MIR2052HG: variants seen among roughly 807,000 people sequenced by gnomAD.
MIR2052HG encodes the protein MIR2052 host gene.
intron 1 of MIR2052HG, among the ~76,000 whole-genome samples, chr8:74,609,116 C>T (rs1808153823): frequency 6.6e-6 from 1 of 151,880 alleles, no homozygotes; most frequent in African/African-American, 2.4e-5. Context: ...AGATATGTGA[C>T]ATCACTAAAG....
At chr8:74,646,893 A>G (rs1020344313) in intron 2 of MIR2052HG, among the ~76,000 whole-genome samples, 4 of 152,128 alleles carry the variant, frequency 2.6e-5, no homozygotes, top group African/African-American at 9.7e-5. Context: ...AAGCCACTGA[A>G]CTTCAGTCTG....
chr8:74,629,274 C>T (rs1808477374), intron 2 of MIR2052HG, among the ~76,000 whole-genome samples: 1 of 152,072 alleles, frequency 6.6e-6, no homozygotes, highest in South Asian at 2.1e-4. Context: ...TTTACTCATT[C>T]CTTTATTCCC....
chr8:74,623,690 G>C (rs991867355), intron 2 of MIR2052HG, among the ~76,000 whole-genome samples: 2 of 152,122 alleles, frequency 1.3e-5, no homozygotes, highest in Admixed American at 6.5e-5. Context: ...AGTAACCAAA[G>C]ACTTGAGAAG....
Position 74,603,199 on chromosome 8 carries a change from C to A in MIR2052HG, n.128+3291C>A, listed in dbSNP as rs1425966019. On this transcript the variant is annotated intron_variant and non_coding_transcript_variant, in intron 1 of 6. Transcript: ENST00000523442. ...TGAAAATTTACAAACTATTTAAAAC[C>A]TGAAATCGCTGACTGTTCAGAAACT... 29 of 997,074 alleles carry A rather than the reference C, an allele frequency of 2.9e-5. No individual in the cohort carries two copies. In the Admixed American group the frequency reaches 5.3e-4, roughly 18 times the overall value. The allele number at this position is 997,074 out of a possible 1,614,324, so 61.8% of individuals were successfully genotyped here.
chr8:74,604,083 A>G, intron 1 of MIR2052HG: 1 of 926,388 alleles, frequency 1.1e-6, no homozygotes, highest in South Asian at 1.3e-5. Context: ...TTCTCTCAGG[A>G]CAATTCCCTT....
chr8:74,602,815 G>GCGTTTCTT (rs1554570004), intron 1 of MIR2052HG, among the ~76,000 whole-genome samples: 1 of 22,526 alleles, frequency 4.4e-5, no homozygotes, highest in African/African-American at 2.0e-4. Flanking sequence ...ATGCCCGGCC[G>GCGTTTCTT]TGTTTCTTTC....
chr8:74,693,866 C>G (rs747705901), intron 2 of MIR2052HG, among the ~76,000 whole-genome samples: 2 of 152,150 alleles, frequency 1.3e-5, no homozygotes, highest in Non-Finnish European at 1.5e-5. Flanking sequence ...ACCTTAGGGT[C>G]TTTCCCTATC....
chr8:74,678,541 C>T (rs1416616214), intron 2 of MIR2052HG, among the ~76,000 whole-genome samples: 3 of 108,914 alleles, frequency 2.8e-5, no homozygotes, highest in Admixed American at 1.4e-4. Context: ...CCAGCCTGGG[C>T]GATAAGATCT....
rs1416616214 is a variant in MIR2052HG, at chr8:74,678,541, C to A, written n.217-23838C>A. On this transcript the variant is annotated intron_variant and non_coding_transcript_variant, in intron 2 of 6. Coordinates refer to ENST00000523442, the Ensembl canonical transcript of MIR2052HG. ...TTGTGCCATTGCACTCCAGCCTGGG[C>A]GATAAGATCTAGAGTTTGTCTCAAA... Among the ~76,000 whole-genome samples the A allele has an allele frequency of 3.7e-5, 4 of 108,914 alleles. No homozygotes were observed. In the Admixed American group the frequency reaches 5.7e-4, roughly 15 times the overall value. The allele number at this position is 108,914 out of a possible 152,430, so 71.5% of individuals were successfully genotyped here.
chr8:74,653,326 G>A lies in MIR2052HG; in HGVS notation n.216+40386G>A, dbSNP rs1586904330. 2.0e-5 allele frequency among the ~76,000 whole-genome samples: 3 copies of A among 152,264 alleles called. No individual in the cohort carries two copies. The Middle Eastern group carries it at 0.01, about 518-fold the overall frequency. On this transcript the variant is annotated intron_variant and non_coding_transcript_variant, in intron 2 of 6. Coordinates refer to ENST00000523442, the Ensembl canonical transcript of MIR2052HG. ...TGTTACAGGATTTATTACTTCACCA[G>A]CTAGTTTAATAGTTTCAAAATGAAT...
At chr8:74,700,011 G>T (rs1809342367) in intron 2 of MIR2052HG, among the ~76,000 whole-genome samples, 1 of 152,078 alleles carries the variant, frequency 6.6e-6, no homozygotes, top group African/African-American at 2.4e-5. Context: ...CAACCATTTT[G>T]CTAAGAATAA....
At chr8:74,674,803 A>G (rs892078611) in intron 2 of MIR2052HG, among the ~76,000 whole-genome samples, 1 of 151,876 alleles carries the variant, frequency 6.6e-6, no homozygotes, top group Non-Finnish European at 1.5e-5. Context: ...ATACATTACT[A>G]TGATACTATA....
At chr8:74,614,209 A>T in intron 2 of MIR2052HG, among the ~76,000 whole-genome samples, 1 of 152,192 alleles carries the variant, frequency 6.6e-6, no homozygotes, top group East Asian at 1.9e-4. Flanking sequence ...TCTCTGATCC[A>T]CCTACTAGGT....
chr8:74,748,259 A>C (rs1006514418), intron 4 of MIR2052HG, among the ~76,000 whole-genome samples: 1 of 152,250 alleles, frequency 6.6e-6, no homozygotes, highest in Admixed American at 6.5e-5. Flanking sequence ...GGTAAAACAG[A>C]TTCCAACTAC....
chr8:74,658,391 T>C (rs77013750), intron 2 of MIR2052HG, among the ~76,000 whole-genome samples: 151 of 96,706 alleles, frequency 1.6e-3, no homozygotes, highest in Non-Finnish European at 1.9e-3. Context: ...CTCGCTCTCT[T>C]TTTTTTTTTT....
intron 2 of MIR2052HG, among the ~76,000 whole-genome samples, chr8:74,679,235 T>C (rs1809091276): frequency 6.6e-6 from 1 of 152,126 alleles, no homozygotes; most frequent in Admixed American, 6.6e-5. Flanking sequence ...GTCTTTTATC[T>C]CTCACCTCTA....
intron 2 of MIR2052HG, among the ~76,000 whole-genome samples, chr8:74,662,183 T>C (rs901094953): frequency 2.0e-5 from 3 of 152,180 alleles, no homozygotes; most frequent in African/African-American, 7.2e-5. Flanking sequence ...TAGATTATAA[T>C]ATCAAAGGCT....
chr8:74,668,972 T>C (rs935640682), intron 2 of MIR2052HG, among the ~76,000 whole-genome samples: 1 of 152,202 alleles, frequency 6.6e-6, no homozygotes, highest in Non-Finnish European at 1.5e-5. Context: ...GAGAGCACTC[T>C]GGGATAACCT....
intron 2 of MIR2052HG, among the ~76,000 whole-genome samples, chr8:74,653,175 G>C (rs1808770899): frequency 6.6e-6 from 1 of 152,124 alleles, no homozygotes. Context: ...TTTATAAGTG[G>C]CAAAGTTTTC....
Sources: allele counts gnomAD v4.1 joint callset (sites outside exome capture counted in the v4.1 genomes callset), GRCh38; gene constraint gnomAD v4.1.1; transcripts MANE v1.5; gene names NCBI Gene and HGNC (gene_info 2026-07-23, HGNC 2026-07-21).